The following SHISA6 variants were observed in gnomAD, a reference collection of about 807,000 sequenced individuals.
The protein encoded by SHISA6 is protein shisa-6.
In SHISA6, 22 loss-of-function variants were observed where a neutral mutation model predicts 47.9. That is an observed-to-expected ratio of 0.46 (90% CI 0.33 to 0.66). SHISA6 has a LOEUF of 0.66. Ranked by LOEUF, SHISA6 falls within the 30% of genes least tolerant of loss-of-function variation. SHISA6 has a pLI of 0.02. For synonymous variants in SHISA6, 388 were observed against 337.8 expected (o/e 1.15, Z -1.63); for missense variants, 680 against 764.6 (o/e 0.89, Z 1.30).
At chr17:11,384,776 C>G (rs925035968) in intron 3 of SHISA6, among the ~76,000 whole-genome samples, 6 of 152,140 alleles carry the variant, frequency 3.9e-5, no homozygotes, top group Admixed American at 3.3e-4. Context: ...TCACCACTCA[C>G]CAGGTCCTTT....
chr17:11,518,400 G>T (rs1030089502), intron 3 of SHISA6, among the ~76,000 whole-genome samples: 2 of 152,054 alleles, frequency 1.3e-5, no homozygotes, highest in Non-Finnish European at 2.9e-5. Flanking sequence ...TGTTTAAAAG[G>T]CTGGGGACAG....
intron 3 of SHISA6, among the ~76,000 whole-genome samples, chr17:11,517,117 G>A (rs1355355293): frequency 6.6e-6 from 1 of 152,172 alleles, no homozygotes; most frequent in Non-Finnish European, 1.5e-5. Context: ...AAACTGACAG[G>A]TCTCAGTCAA....
rs144117303 is a variant in SHISA6, at chr17:11,246,518, G to T, written c.638+4458G>T. Among the ~76,000 whole-genome samples the T allele has an allele frequency of 3.9e-3, 594 of 152,244 alleles. 6 individuals carry two copies. The highest frequency in any genetic ancestry group is 0.014 in the African/African-American group (570 of 41,566). On this transcript the variant is annotated intron_variant, in intron 1 of 5. Transcript: ENST00000441885. ...AAATAAAAAGAAAAAATAAATGCTT[G>T]TAGGGAAAGAGGAAAATTGTGGAAG...
chr17:11,460,613 A>G (rs1435350401), intron 3 of SHISA6, among the ~76,000 whole-genome samples: 5 of 151,962 alleles, frequency 3.3e-5, no homozygotes, highest in Non-Finnish European at 4.4e-5. Flanking sequence ...CTGGTCTCGA[A>G]CTCCTGCCCT....
intron 1 of SHISA6, among the ~76,000 whole-genome samples, chr17:11,245,364 C>A (rs754029771): frequency 3.3e-5 from 5 of 152,228 alleles, no homozygotes; most frequent in Non-Finnish European, 7.3e-5. Flanking sequence ...AAGGCTCAAG[C>A]TGCAGCCATC....
chr17:11,434,692 T>C (rs1360193906), intron 3 of SHISA6, among the ~76,000 whole-genome samples: 2 of 152,224 alleles, frequency 1.3e-5, no homozygotes, highest in African/African-American at 4.8e-5. Context: ...TTATGTGTTA[T>C]TTAACTGGTA....
Position 11,325,401 on chromosome 17 carries a change from T to A in SHISA6, c.800-54013T>A, listed in dbSNP as rs186476490. Among the ~76,000 whole-genome samples, 544 of 152,354 alleles carry A rather than the reference T, an allele frequency of 3.6e-3. 3 individuals carry two copies. Among genetic ancestry groups the A allele is most frequent in the African/African-American group, 0.012 (510 of 41,582 alleles). ...CACTGCTGCGGCTACCCGAGGGCAT[T>A]GGGCAGCTGGGTGACCCAGAAATGG... On this transcript the variant is annotated intron_variant, in intron 2 of 5. Coordinates refer to ENST00000441885, the MANE Select transcript of SHISA6 (RefSeq NM_207386.4).
chr17:11,424,149 GT>G (rs1462454383), intron 3 of SHISA6, among the ~76,000 whole-genome samples: 3 of 152,142 alleles, frequency 2.0e-5, no homozygotes, highest in African/African-American at 7.2e-5. Flanking sequence ...TGATGGTAGA[GT>G]AGTTTTCAAC....
At chr17:11,307,419 G>A (rs924961769) in intron 2 of SHISA6, among the ~76,000 whole-genome samples, 1 of 152,176 alleles carries the variant, frequency 6.6e-6, no homozygotes, top group Admixed American at 6.5e-5. Flanking sequence ...GCCAAAGCTG[G>A]GTTCCAGTGT....
chr17:11,317,725 T>C (rs2041240), intron 2 of SHISA6, among the ~76,000 whole-genome samples: 111,514 of 151,616 alleles, frequency 0.74, 41,184 homozygotes, highest in Middle Eastern at 0.77. Context: ...TTATTTTTGT[T>C]TCTATTTTGG....
chr17:11,415,121 C>T (rs1331390060), intron 3 of SHISA6, among the ~76,000 whole-genome samples: 2 of 151,692 alleles, frequency 1.3e-5, no homozygotes, highest in African/African-American at 4.8e-5. Context: ...TGAATAAACT[C>T]ATGATCCAAA....
intron 2 of SHISA6, chr17:11,289,856 TTTAA>T (rs1270571317): frequency 1.3e-5 from 2 of 152,228 alleles, no homozygotes; most frequent in African/African-American, 4.8e-5. Context: ...TTGCTAAAAA[TTTAA>T]TTAGTTGATA....
intron 3 of SHISA6, among the ~76,000 whole-genome samples, chr17:11,381,447 G>A (rs1913004817): frequency 6.6e-6 from 1 of 152,176 alleles, no homozygotes; most frequent in South Asian, 2.1e-4. Context: ...TTGACAATAA[G>A]TGCAAGGAGA....
intron 3 of SHISA6, among the ~76,000 whole-genome samples, chr17:11,418,922 C>A (rs1010293110): frequency 1.3e-5 from 2 of 152,080 alleles, no homozygotes; most frequent in Non-Finnish European, 2.9e-5. Flanking sequence ...CCTGTCTTTC[C>A]ATTCCTCTGC....
At chr17:11,273,829 T>C (rs924452015) in intron 2 of SHISA6, among the ~76,000 whole-genome samples, 8 of 152,200 alleles carry the variant, frequency 5.3e-5, no homozygotes, top group Admixed American at 1.3e-4. Context: ...TCTCTTGGGA[T>C]TCTGTGACCC....
rs1354344447 is a variant in SHISA6, at chr17:11,263,240, T to C, written c.639-126T>C. Reference sequence around the variant, plus strand: ...CCAGATGTAGCTGACTATTGAGAGCTGAATGCTGTCTCTGTCTCTTCCTGC... The same window carrying C: ...CCAGATGTAGCTGACTATTGAGAGCCGAATGCTGTCTCTGTCTCTTCCTGC... On this transcript the variant is annotated intron_variant, in intron 1 of 5. Coordinates refer to ENST00000441885, the MANE Select transcript of SHISA6 (RefSeq NM_207386.4). 6 of 1,002,840 alleles carry C rather than the reference T, an allele frequency of 6.0e-6. No individual in the cohort carries two copies. In the African/African-American group the frequency reaches 9.7e-5, roughly 16 times the overall value. The allele number at this position is 1,002,840 out of a possible 1,614,324, so 62.1% of individuals were successfully genotyped here. A position where few individuals can be genotyped will look rare whatever the true frequency, so the allele number is the denominator to read the frequency against.
In SHISA6 at chr17:11,426,311, G is replaced by T. The variant is rs557129082; in HGVS notation, c.895+46802G>T. 2.6e-5 allele frequency among the ~76,000 whole-genome samples: 4 copies of T among 152,356 alleles called. No homozygotes were observed. In the East Asian group the frequency reaches 7.7e-4, roughly 29 times the overall value. On this transcript the variant is annotated intron_variant, in intron 3 of 5. Transcript: ENST00000441885. Reference sequence around the variant, plus strand: ...ATTCTAGCATTCATGAGCTAGGCAGGAGCTTATGTAGCTTGAAAGATGTAG... The same window carrying T: ...ATTCTAGCATTCATGAGCTAGGCAGTAGCTTATGTAGCTTGAAAGATGTAG...
At chr17:11,448,953 C>A (rs1384487408) in intron 3 of SHISA6, among the ~76,000 whole-genome samples, 1 of 152,162 alleles carries the variant, frequency 6.6e-6, no homozygotes, top group Non-Finnish European at 1.5e-5. Context: ...ATGTTCTACT[C>A]CCTAAGTAAA....
At chr17:11,343,975 C>T (rs1370836750) in intron 2 of SHISA6, among the ~76,000 whole-genome samples, 1 of 152,146 alleles carries the variant, frequency 6.6e-6, no homozygotes, top group Admixed American at 6.5e-5. Flanking sequence ...AAGCATGAGC[C>T]ACTGCACCTG....
Sources: allele counts gnomAD v4.1 joint callset (sites outside exome capture counted in the v4.1 genomes callset), GRCh38; gene constraint gnomAD v4.1.1; transcripts MANE v1.5; gene names NCBI Gene and HGNC (gene_info 2026-07-23, HGNC 2026-07-21).